UBAC2: variants seen among roughly 807,000 people sequenced by gnomAD.
UBAC2 encodes the protein UBA domain containing 2.
UBAC2 carries 26 observed loss-of-function variants against 44.0 expected under a neutral mutation model. The ratio of observed to expected loss-of-function variants is 0.59; its 90% confidence interval spans 0.43 to 0.82. UBAC2 has a LOEUF of 0.82. Among genes scored for constraint, UBAC2 ranks in the 40% least tolerant of loss-of-function variants. The pLI is 0.00. For synonymous variants in UBAC2, 155 were observed against 154.3 expected, an observed-to-expected ratio of 1.00 and a Z score of -0.04; for missense variants, 329 against 419.4, an observed-to-expected ratio of 0.78 and a Z score of 1.88.
chr13:99,201,693 T>A, intron 1 of UBAC2: 1 of 1,028,244 alleles, frequency 9.7e-7, no homozygotes, highest in Non-Finnish European at 1.4e-6. Flanking sequence ...AGAACAGCTC[T>A]AATTTTGCAA....
intron 4 of UBAC2, among the ~76,000 whole-genome samples, chr13:99,293,339 G>A (rs1352665272): frequency 6.6e-6 from 1 of 152,132 alleles, no homozygotes; most frequent in Non-Finnish European, 1.5e-5. Context: ...CTAAGACAGT[G>A]TGTTGGCTCA....
At chr13:99,255,312 C>T (rs1566470799) in intron 4 of UBAC2, 2 of 1,614,094 alleles carry the variant, frequency 1.2e-6, no homozygotes, top group Non-Finnish European at 1.7e-6. Flanking sequence ...GAGTGAGGTT[C>T]AGCACGTTCA....
intron 4 of UBAC2, among the ~76,000 whole-genome samples, chr13:99,266,859 A>G (rs1307924781): frequency 6.6e-6 from 1 of 152,052 alleles, no homozygotes; most frequent in African/African-American, 2.4e-5. Flanking sequence ...CCCTACTTTC[A>G]GTTCTTTTGG....
intron 1 of UBAC2, among the ~76,000 whole-genome samples, chr13:99,226,712 C>G (rs2043114055): frequency 6.6e-6 from 1 of 152,198 alleles, no homozygotes; most frequent in Non-Finnish European, 1.5e-5. Flanking sequence ...GCCTTGTGCT[C>G]ATTCTGCTTT....
chr13:99,285,034 G>A (rs1408118424), intron 4 of UBAC2, among the ~76,000 whole-genome samples: 1 of 152,008 alleles, frequency 6.6e-6, no homozygotes, highest in Non-Finnish European at 1.5e-5. Context: ...AAAGTATTTT[G>A]AAGCAATTTC....
chr13:99,348,098 A>G (rs1266540737), intron 7 of UBAC2, among the ~76,000 whole-genome samples: 1 of 152,100 alleles, frequency 6.6e-6, no homozygotes, highest in Non-Finnish European at 1.5e-5. Flanking sequence ...TCATCTTTAC[A>G]CTGCCAGGGC....
At chr13:99,287,615 A>G (rs924951187) in intron 4 of UBAC2, among the ~76,000 whole-genome samples, 1 of 135,546 alleles carries the variant, frequency 7.4e-6, no homozygotes, top group African/African-American at 2.8e-5. Flanking sequence ...AAGGAAAAAT[A>G]TCTTTCTTTC....
chr13:99,382,541 C>T (rs1284557329), intron 8 of UBAC2, among the ~76,000 whole-genome samples: 1 of 152,182 alleles, frequency 6.6e-6, no homozygotes, highest in African/African-American at 2.4e-5. Context: ...TGAGACCACA[C>T]CCGTGGTGTC....
At chr13:99,278,371 G>C (rs1471734298) in intron 4 of UBAC2, among the ~76,000 whole-genome samples, 1 of 152,184 alleles carries the variant, frequency 6.6e-6, no homozygotes, top group Non-Finnish European at 1.5e-5. Flanking sequence ...GTCTGGAGGT[G>C]AGGGCTAGTC....
At chr13:99,253,064 G>GT (rs1468013658) in intron 4 of UBAC2, among the ~76,000 whole-genome samples, 1 of 150,168 alleles carries the variant, frequency 6.7e-6, no homozygotes, top group East Asian at 1.9e-4. Flanking sequence ...ATAATTATAT[G>GT]TTAAATATAT....
At chr13:99,377,902 C>A (rs2045501935) in intron 8 of UBAC2, among the ~76,000 whole-genome samples, 1 of 152,236 alleles carries the variant, frequency 6.6e-6, no homozygotes, top group Non-Finnish European at 1.5e-5. Flanking sequence ...TCACACGGGG[C>A]CAACTCCAAA....
At chr13:99,280,770 T>A (rs1047022732) in intron 4 of UBAC2, among the ~76,000 whole-genome samples, 2 of 152,170 alleles carry the variant, frequency 1.3e-5, no homozygotes, top group African/African-American at 4.8e-5. Context: ...AATTATTGTG[T>A]CTCTGCTAAT....
At chr13:99,308,704 G>A (rs1296676488) in intron 4 of UBAC2, 2 of 152,196 alleles carry the variant, frequency 1.3e-5, no homozygotes, top group East Asian at 1.9e-4. Context: ...TTCTTCTAAC[G>A]TCTAAAGTGC....
At chr13:99,225,256 C>T (rs150053856) in intron 1 of UBAC2, among the ~76,000 whole-genome samples, 110 of 152,320 alleles carry the variant, frequency 7.2e-4, no homozygotes, top group Non-Finnish European at 1.3e-3. Context: ...CTCTTCTCAT[C>T]TTGCAGAAAT....
chr13:99,307,004 C>T (rs1356332098), intron 4 of UBAC2, among the ~76,000 whole-genome samples: 1 of 152,102 alleles, frequency 6.6e-6, no homozygotes, highest in African/African-American at 2.4e-5. Context: ...TTCCTTCATA[C>T]TAAGTTATCC....
intron 4 of UBAC2, among the ~76,000 whole-genome samples, chr13:99,274,893 T>G (rs142991630): frequency 7.2e-4 from 109 of 152,022 alleles, no homozygotes; most frequent in African/African-American, 2.5e-3. Flanking sequence ...AATTTTTGTA[T>G]TCTTTGTAGA....
At chr13:99,367,122 G>A (rs1214880128) in intron 7 of UBAC2, among the ~76,000 whole-genome samples, 1 of 152,150 alleles carries the variant, frequency 6.6e-6, no homozygotes, top group Non-Finnish European at 1.5e-5. Context: ...GACTAAGCCA[G>A]GAACGGCATT....
chr13:99,373,446 C>T (rs1474574510), intron 8 of UBAC2, among the ~76,000 whole-genome samples: 3 of 152,200 alleles, frequency 2.0e-5, no homozygotes, highest in African/African-American at 7.2e-5. Flanking sequence ...TCATGTCTTT[C>T]TTTCCTTTAG....
chr13:99,316,520 C>T (rs181642276), intron 5 of UBAC2, among the ~76,000 whole-genome samples: 1 of 152,106 alleles, frequency 6.6e-6, no homozygotes, highest in Non-Finnish European at 1.5e-5. Context: ...CCCATAACAT[C>T]ATGCCCTGTG....
Sources: allele counts gnomAD v4.1 joint callset (sites outside exome capture counted in the v4.1 genomes callset), GRCh38; gene constraint gnomAD v4.1.1; transcripts MANE v1.5; gene names NCBI Gene and HGNC (gene_info 2026-07-23, HGNC 2026-07-21).